Variants in DPYD observed in about 807,000 individuals in gnomAD.
DPYD encodes the protein dihydropyrimidine dehydrogenase.
In DPYD, 109 loss-of-function variants were observed where a neutral mutation model predicts 116.2. The ratio of observed to expected loss-of-function variants is 0.94; its 90% CI spans 0.80 to 1.10. The LOEUF (loss-of-function observed/expected upper bound fraction) is 1.10, where lower values mean the gene tolerates loss of function less well. DPYD is among the 50% of genes least tolerant of loss of function. DPYD has a pLI of 0.00. For missense variants in DPYD, 1,302 were observed against 1,254.5 expected, an observed-to-expected ratio of 1.04 and a Z score of -0.57; for synonymous variants, 440 against 432.0, an observed-to-expected ratio of 1.02 and a Z score of -0.23.
intron 3 of DPYD, among the ~76,000 whole-genome samples, chr1:97,787,029 T>C (rs1461970120): frequency 6.6e-6 from 1 of 152,192 alleles, no homozygotes; most frequent in East Asian, 1.9e-4. Context: ...CACTGTGAAC[T>C]AAGAACAGTC....
At chr1:97,670,663 T>C (rs555350364) in intron 8 of DPYD, among the ~76,000 whole-genome samples, 87 of 152,246 alleles carry the variant, frequency 5.7e-4, no homozygotes, top group African/African-American at 1.9e-3. Flanking sequence ...ACTAAGATAA[T>C]ACCCATAGTA....
chr1:97,329,252 T>C (rs936146987), intron 16 of DPYD, among the ~76,000 whole-genome samples: 2 of 152,232 alleles, frequency 1.3e-5, no homozygotes, highest in African/African-American at 4.8e-5. Context: ...TTTGTGGTGA[T>C]GTCACTAACT....
At chr1:97,780,773 T>C (rs113807584) in intron 3 of DPYD, among the ~76,000 whole-genome samples, 34 of 152,282 alleles carry the variant, frequency 2.2e-4, no homozygotes, top group African/African-American at 7.2e-4. Flanking sequence ...ATAAACTGTA[T>C]TGCATGGATC....
chr1:97,716,666 TA>T (rs139519324), intron 5 of DPYD, among the ~76,000 whole-genome samples: 2,016 of 152,146 alleles, frequency 0.013, 21 homozygotes, highest in Middle Eastern at 0.024. Flanking sequence ...ATAAACTTTT[TA>T]AAAAAAGATG....
At chr1:97,148,260 G>T (rs74106699) in intron 20 of DPYD, among the ~76,000 whole-genome samples, 13 of 149,184 alleles carry the variant, frequency 8.7e-5, no homozygotes, top group East Asian at 7.9e-4. Flanking sequence ...GTGTGGGGGG[G>T]GTGTGTGTGT....
At chr1:97,127,501 C>T (rs1035637308) in intron 20 of DPYD, among the ~76,000 whole-genome samples, 4 of 152,120 alleles carry the variant, frequency 2.6e-5, no homozygotes, top group African/African-American at 7.2e-5. Flanking sequence ...AGAAACCCCT[C>T]GTATCCCATT....
chr1:97,357,101 T>C (rs1670462441), intron 16 of DPYD, among the ~76,000 whole-genome samples: 1 of 151,096 alleles, frequency 6.6e-6, no homozygotes, highest in African/African-American at 2.4e-5. Flanking sequence ...TGTAGATTGC[T>C]TTGGGAGATA....
At chr1:97,363,885 G>C (rs1670882036) in intron 16 of DPYD, among the ~76,000 whole-genome samples, 1 of 152,130 alleles carries the variant, frequency 6.6e-6, no homozygotes, top group South Asian at 2.1e-4. Context: ...AACCAACATG[G>C]CACATGTATA....
rs375815108 is a variant in DPYD at position 97,308,759 on chromosome 1, C to G, written c.2059-2462G>C. ...CATGAGATGGCTTTGCCTTTTGTAA[C>G]AAGCCAGTTTTTAGAATCTTATTGA... On this transcript the variant is annotated intron_variant, in intron 16 of 22. Coordinates refer to ENST00000370192, the MANE Select transcript of DPYD (RefSeq NM_000110.4). Among the ~76,000 whole-genome samples the G allele has an allele frequency of 2.6e-5, 4 of 151,926 alleles. No homozygotes were observed. In the South Asian group the frequency reaches 6.2e-4, roughly 24 times the overall value.
intron 11 of DPYD, among the ~76,000 whole-genome samples, chr1:97,553,758 G>T (rs1651492014): frequency 1.3e-5 from 2 of 151,996 alleles, no homozygotes; most frequent in Admixed American, 1.3e-4. Flanking sequence ...GGAGACTGTG[G>T]CATATGTCCC....
intron 20 of DPYD, among the ~76,000 whole-genome samples, chr1:97,192,229 C>T (rs1658424063): frequency 6.6e-6 from 1 of 152,092 alleles, no homozygotes; most frequent in African/African-American, 2.4e-5. Context: ...ACCCAGTCAT[C>T]CAAGGCAGAG....
chr1:97,173,247 T>TAC (rs1656892240), intron 20 of DPYD, among the ~76,000 whole-genome samples: 5 of 123,842 alleles, frequency 4.0e-5, no homozygotes, highest in East Asian at 2.8e-4. Context: ...CACATATATG[T>TAC]ACATATATGC....
chr1:97,511,420 C>T (rs1360658154), intron 13 of DPYD, among the ~76,000 whole-genome samples: 1 of 151,880 alleles, frequency 6.6e-6, no homozygotes, highest in Admixed American at 6.6e-5. Flanking sequence ...AGACCAGGGC[C>T]TCCCAGGCCA....
intron 10 of DPYD, among the ~76,000 whole-genome samples, chr1:97,583,215 C>T (rs901895832): frequency 6.6e-6 from 1 of 152,126 alleles, no homozygotes; most frequent in South Asian, 2.1e-4. Flanking sequence ...GTGATCCACC[C>T]GCCCCGGCTT....
intron 6 of DPYD, among the ~76,000 whole-genome samples, chr1:97,697,222 T>C (rs760626802): frequency 4.6e-5 from 7 of 152,086 alleles, no homozygotes; most frequent in Admixed American, 1.3e-4. Context: ...TTCAATGCAA[T>C]GGAGATTAAA....
intron 10 of DPYD, among the ~76,000 whole-genome samples, chr1:97,583,071 C>T (rs1275520915): frequency 6.6e-6 from 1 of 152,116 alleles, no homozygotes; most frequent in African/African-American, 2.4e-5. Context: ...CGGGTTCACG[C>T]CATTCTCCTG....
At chr1:97,917,450 G>A (rs920467606) in intron 1 of DPYD, among the ~76,000 whole-genome samples, 3 of 151,948 alleles carry the variant, frequency 2.0e-5, no homozygotes, top group Non-Finnish European at 4.4e-5. Context: ...TTCCAAATTC[G>A]CTATTTTTAA....
At chr1:97,694,670 C>T (rs998562753) in intron 6 of DPYD, among the ~76,000 whole-genome samples, 1 of 152,112 alleles carries the variant, frequency 6.6e-6, no homozygotes, top group Non-Finnish European at 1.5e-5. Flanking sequence ...ACACACTATT[C>T]CCTTTCCAGC....
intron 14 of DPYD, among the ~76,000 whole-genome samples, chr1:97,388,977 CAAAT>C (rs1411128503): frequency 2.6e-5 from 4 of 151,662 alleles, no homozygotes; most frequent in Non-Finnish European, 1.5e-5. Flanking sequence ...GAGAGAGAAA[CAAAT>C]AAGTATGGAT....
Sources: gnomAD v4.1 joint callset for allele counts (sites outside exome capture counted in the v4.1 genomes callset) on GRCh38, gnomAD v4.1.1 for gene constraint, MANE v1.5 for transcripts, NCBI Gene and HGNC (gene_info 2026-07-23, HGNC 2026-07-21) for gene names.